The following ANTXR2 variants were observed in gnomAD, a reference collection of about 807,000 sequenced individuals.
ANTXR2 encodes anthrax toxin receptor 2.
A neutral mutation model predicts 73.7 loss-of-function variants in ANTXR2; 44 were observed. The ratio of observed to expected loss-of-function variants is 0.60; its 90% CI spans 0.47 to 0.77. ANTXR2 has a LOEUF of 0.77. Among genes scored for constraint, ANTXR2 ranks in the 30% least tolerant of loss-of-function variants. The pLI, the probability that ANTXR2 is intolerant of heterozygous loss-of-function variation, is 0.00. For missense variants in ANTXR2, 604 were observed against 592.5 expected, an observed-to-expected ratio of 1.02 and a Z score of -0.20; for synonymous variants, 217 against 205.9, an observed-to-expected ratio of 1.05 and a Z score of -0.46.
chr4:79,949,945 A>G (rs1442349199), intron 16 of ANTXR2, among the ~76,000 whole-genome samples: 2 of 152,200 alleles, frequency 1.3e-5, no homozygotes, highest in African/African-American at 2.4e-5. Context: ...AAAATAAAGT[A>G]TATAACTGAT....
intron 6 of ANTXR2, among the ~76,000 whole-genome samples, 156 bp downstream of exon 6, chr4:80,054,994 A>G (rs1475418499): frequency 6.6e-6 from 1 of 151,868 alleles, no homozygotes; most frequent in South Asian, 2.1e-4. Flanking sequence ...AAATTCTTAC[A>G]TTATTAAGGT....
chr4:79,931,788 T>C (rs375420854), intron 16 of ANTXR2, among the ~76,000 whole-genome samples: 5 of 152,214 alleles, frequency 3.3e-5, no homozygotes, highest in Admixed American at 2.0e-4. Flanking sequence ...TTAATTTAGA[T>C]GGTATTCAAA....
At chr4:80,026,446 G>C (rs562669346) in intron 10 of ANTXR2, among the ~76,000 whole-genome samples, 6 of 151,946 alleles carry the variant, frequency 3.9e-5, no homozygotes, top group South Asian at 4.2e-4. Context: ...GTGTGAGAAC[G>C]GACTAATACA....
chr4:80,004,963 T>C (rs568225750), intron 12 of ANTXR2, among the ~76,000 whole-genome samples: 6 of 152,090 alleles, frequency 3.9e-5, no homozygotes, highest in Non-Finnish European at 7.4e-5. Context: ...AACCTGAGAA[T>C]CTCTGTCTAA....
chr4:79,963,411 G>A (rs1432771728), intron 16 of ANTXR2, among the ~76,000 whole-genome samples: 1 of 152,048 alleles, frequency 6.6e-6, no homozygotes, highest in East Asian at 1.9e-4. Context: ...TTGAGATAGT[G>A]TTCTGTCAGA....
rs1726846331 is a variant in ANTXR2, at chr4:79,904,899, T to C, written c.*2530A>G. The C allele has an allele frequency of 6.6e-6, 1 of 152,170 alleles. No individual in the cohort carries two copies. The highest frequency in any genetic ancestry group is 6.6e-5 in the Admixed American group (1 of 15,254). 9.4% of individuals were successfully genotyped at this position (152,170 alleles called of 1,614,324 possible). On this transcript the variant is annotated 3_prime_UTR_variant, in exon 17 of 17. Transcript: ENST00000403729. ...AGTATAGGGATTTTTGATCTGGTCT[T>C]TTGGTAAGAAAATAACACTCTTCAA...
intron 10 of ANTXR2, 150 bp from the exon 11 acceptor site, chr4:80,019,126 C>T (rs1010694575): frequency 1.7e-5 from 9 of 542,550 alleles, no homozygotes; most frequent in East Asian, 1.1e-4. Context: ...CCACCCACCT[C>T]GGCCTCCCAA....
At chr4:80,049,456 A>AAT (rs1416609471) in intron 7 of ANTXR2, among the ~76,000 whole-genome samples, 1 of 151,736 alleles carries the variant, frequency 6.6e-6, no homozygotes. Context: ...TGAAAAAGAG[A>AAT]ATATATATAT....
intron 10 of ANTXR2, among the ~76,000 whole-genome samples, chr4:80,028,746 A>G (rs745589393): frequency 6.6e-6 from 1 of 152,192 alleles, no homozygotes; most frequent in Non-Finnish European, 1.5e-5. Context: ...CAAACATATT[A>G]AGCATCAGTC....
chr4:79,956,618 G>C (rs942726928), intron 16 of ANTXR2, among the ~76,000 whole-genome samples: 3 of 152,042 alleles, frequency 2.0e-5, no homozygotes, highest in African/African-American at 7.2e-5. Flanking sequence ...AGACATAGTA[G>C]GTGCTCAGTG....
At chr4:80,061,595 T>TA (rs1734261206) in intron 3 of ANTXR2, among the ~76,000 whole-genome samples, 1 of 152,154 alleles carries the variant, frequency 6.6e-6, no homozygotes, top group Non-Finnish European at 1.5e-5. Context: ...TAAAATTTAA[T>TA]AGATTGAGTA....
intron 3 of ANTXR2, 120 bp from the exon 4 acceptor site, chr4:80,056,133 A>G: frequency 1.7e-6 from 1 of 583,364 alleles, no homozygotes; most frequent in Non-Finnish European, 2.8e-6. Context: ...AGAGGAAAGA[A>G]CATGGGCTTT....
At position 80,061,668 on chromosome 4, in the gene ANTXR2, AT is replaced by A. The variant is rs1734267266; in HGVS notation, c.297-5656del. Among the ~76,000 whole-genome samples, 5 of 152,202 alleles carry A rather than the reference AT, an allele frequency of 3.3e-5. 1 individual carries two copies. The South Asian group carries it at 1.0e-3, about 32-fold the overall frequency. On this transcript the variant is annotated intron_variant, in intron 3 of 16. Transcript: ENST00000403729. ...GACTATACAAAATTGCTAATGATTT[AT>A]AATTCACTTAGAATTCACTTAGAAT...
chr4:79,932,951 A>G (rs1728118397), intron 16 of ANTXR2, among the ~76,000 whole-genome samples: 1 of 152,160 alleles, frequency 6.6e-6, no homozygotes, highest in South Asian at 2.1e-4. Flanking sequence ...TAGTGGCATA[A>G]AGGAGTGATA....
rs71662888 is a variant in ANTXR2, at chr4:79,993,760, G to GCGCGCGCGCGCGCGCACACA, written c.1042-8898_1042-8897insTGTGTGCGCGCGCGCGCGCG. On this transcript the variant is annotated intron_variant, in intron 12 of 16. Transcript: ENST00000403729. ...GGCAATACACCACACACACACACAC[G>GCGCGCGCGCGCGCGCACACA]CACACACACACACACACACACACAT... 2.1e-5 allele frequency among the ~76,000 whole-genome samples: 3 copies of GCGCGCGCGCGCGCGCACACA among 140,770 alleles called. No individual in the cohort carries two copies. In the East Asian group the frequency reaches 6.2e-4, roughly 29 times the overall value. The allele number at this position is 140,770 out of a possible 152,430, so 92.4% of individuals were successfully genotyped here.
Position 79,936,013 on chromosome 4 carries a change from A to G in ANTXR2, c.1429-28546T>C, listed in dbSNP as rs150392185. 1.6e-3 allele frequency among the ~76,000 whole-genome samples: 237 copies of G among 152,322 alleles called. 3 individuals carry two copies. The highest frequency in any genetic ancestry group is 0.015 in the East Asian group (76 of 5,184). On this transcript the variant is annotated intron_variant, in intron 16 of 16. Transcript: ENST00000403729. ...CTGTTCCAACAAAAGAGCACCTTAA[A>G]CTATGATTCCATTCCAAAGTTGTAA...
intron 16 of ANTXR2, among the ~76,000 whole-genome samples, chr4:79,922,534 C>A (rs1436515970): frequency 6.6e-6 from 1 of 151,996 alleles, no homozygotes; most frequent in African/African-American, 2.4e-5. Flanking sequence ...TTAACACATA[C>A]AAGCATATAG....
chr4:80,003,402 G>A (rs936988517), intron 12 of ANTXR2, among the ~76,000 whole-genome samples: 13 of 133,092 alleles, frequency 9.8e-5, no homozygotes, highest in African/African-American at 3.4e-4. Context: ...CACACTCTGG[G>A]GACTGTTGTG....
intron 3 of ANTXR2, among the ~76,000 whole-genome samples, chr4:80,068,922 G>C (rs1734651416): frequency 6.6e-6 from 1 of 152,066 alleles, no homozygotes; most frequent in South Asian, 2.1e-4. Context: ...TAAATAGATA[G>C]GTAGATAGAT....
Sources: allele counts gnomAD v4.1 joint callset (sites outside exome capture counted in the v4.1 genomes callset), GRCh38; gene constraint gnomAD v4.1.1; transcripts MANE v1.5; gene names NCBI Gene and HGNC (gene_info 2026-07-23, HGNC 2026-07-21).